Variants in NSG2 observed in about 807,000 individuals in gnomAD.
NSG2 encodes the protein neuronal vesicle trafficking associated 2.
A neutral mutation model predicts 16.9 loss-of-function variants in NSG2; 4 were observed. The ratio of observed to expected loss-of-function variants is 0.24; its 90% CI spans 0.12 to 0.54. The LOEUF is 0.54. Ranked by LOEUF, NSG2 falls within the 20% of genes least tolerant of loss-of-function variation. The pLI is 0.95. For synonymous variants in NSG2, 98 were observed against 88.7 expected, an observed-to-expected ratio of 1.11 and a Z score of -0.59; for missense variants, 179 against 221.1, an observed-to-expected ratio of 0.81 and a Z score of 1.21.
intron 2 of NSG2, 32 bp from the exon 3 acceptor site, chr5:174,064,200 A>G (rs938513673): frequency 6.8e-7 from 1 of 1,463,786 alleles, no homozygotes; most frequent in Non-Finnish European, 9.4e-7. Context: ...TCAAGTCTCC[A>G]TGCATGCTAA....
chr5:174,066,196 A>G (rs1190386579), intron 3 of NSG2: 1 of 456,062 alleles, frequency 2.2e-6, no homozygotes, highest in East Asian at 6.9e-5. Context: ...TTTTTATTGT[A>G]CTTTCAGTGT....
intron 3 of NSG2, among the ~76,000 whole-genome samples, chr5:174,097,392 A>G (rs549493656): frequency 1.3e-5 from 2 of 151,694 alleles, no homozygotes; most frequent in South Asian, 4.2e-4. Flanking sequence ...TCCGTGCACC[A>G]CTACACCTGC....
chr5:174,087,750 T>C (rs1037208158), intron 3 of NSG2, among the ~76,000 whole-genome samples: 1 of 151,214 alleles, frequency 6.6e-6, no homozygotes, highest in Non-Finnish European at 1.5e-5. Context: ...ATCGCACCAC[T>C]GCACTCCAGA....
Position 174,053,558 on chromosome 5 carries a change from C to CA in NSG2, c.129+6675dup, listed in dbSNP as rs549446376. On this transcript the variant is annotated intron_variant, in intron 2 of 4. Coordinates refer to ENST00000303177, the MANE Select transcript of NSG2 (RefSeq NM_015980.5). ...GGATATGAGAAACATAGGCTTTCCC[C>CA]AGGGAACAACAGAAATGCACATCAC... 2.6e-3 allele frequency among the ~76,000 whole-genome samples: 403 copies of CA among 152,192 alleles called. 2 individuals carry two copies. The highest frequency in any genetic ancestry group is 4.1e-3 in the Non-Finnish European group (281 of 68,012).
intron 3 of NSG2, among the ~76,000 whole-genome samples, chr5:174,101,112 G>A (rs1051237389): frequency 5.3e-5 from 8 of 152,178 alleles, no homozygotes; most frequent in African/African-American, 1.9e-4. Context: ...ATGAGCCTGC[G>A]ACTATAGGCA....
intron 3 of NSG2, among the ~76,000 whole-genome samples, chr5:174,094,052 C>G (rs1760759504): frequency 1.3e-5 from 2 of 152,154 alleles, no homozygotes; most frequent in Non-Finnish European, 2.9e-5. Flanking sequence ...CTATTACAAG[C>G]AAATGTAGCT....
chr5:174,087,906 CCACAGACAAAGCCAACTCCTTCT>C (rs1480822378), intron 3 of NSG2, among the ~76,000 whole-genome samples: 1 of 152,016 alleles, frequency 6.6e-6, no homozygotes, highest in East Asian at 1.9e-4. Flanking sequence ...AGAGCACAGC[CCACAGACAAAGCCAACTCCTTCT>C]CTAGGGATTG....
intron 3 of NSG2, among the ~76,000 whole-genome samples, chr5:174,095,332 C>T (rs1561674292): frequency 6.6e-6 from 1 of 152,210 alleles, no homozygotes; most frequent in African/African-American, 2.4e-5. Context: ...TGTTCTCTCA[C>T]AGTTCAGGGT....
At chr5:174,076,895 C>G (rs1174336926) in intron 3 of NSG2, among the ~76,000 whole-genome samples, 2 of 152,194 alleles carry the variant, frequency 1.3e-5, no homozygotes, top group Non-Finnish European at 2.9e-5. Flanking sequence ...AAACCTTGCT[C>G]TAGGATTTAC....
chr5:174,046,788 G>A lies in NSG2; in HGVS notation c.33G>A (p.Lys11=). Residue 11 remains lysine, a synonymous_variant, in exon 2 of 5, where the codon AAG becomes AAA. Coordinates refer to ENST00000303177, the MANE Select transcript of NSG2 (RefSeq NM_015980.5). MVKLNSNPSE[K]GTKPPSVEDG... ...AGCTGAACAGTAACCCCAGCGAGAAGGGAACCAAGCCGCCTTCAGTTGAGG... is the reference window on the plus strand; with the variant it reads ...AGCTGAACAGTAACCCCAGCGAGAAAGGAACCAAGCCGCCTTCAGTTGAGG... 6.2e-7 allele frequency: 1 copy of A among 1,614,158 alleles called. No individual in the cohort carries two copies. Among genetic ancestry groups the A allele is most frequent in the Non-Finnish European group, 8.5e-7 (1 of 1,180,040 alleles).
chr5:174,078,252 A>G (rs1455231423), intron 3 of NSG2, among the ~76,000 whole-genome samples: 1 of 151,924 alleles, frequency 6.6e-6, no homozygotes, highest in Non-Finnish European at 1.5e-5. Flanking sequence ...TAAAGGTCTT[A>G]TATGTACAGT....
At chr5:174,065,753 A>T (rs1001117064) in intron 3 of NSG2, among the ~76,000 whole-genome samples, 1 of 152,194 alleles carries the variant, frequency 6.6e-6, no homozygotes, top group Non-Finnish European at 1.5e-5. Flanking sequence ...GGTCCTGTGG[A>T]TGGATGATGC....
intron 2 of NSG2, among the ~76,000 whole-genome samples, chr5:174,057,827 G>A (rs113737716): frequency 1.1e-4 from 16 of 152,264 alleles, no homozygotes; most frequent in Non-Finnish European, 2.2e-4. Flanking sequence ...CCTCCCGGAT[G>A]TCTTCTGAAG....
intron 3 of NSG2, among the ~76,000 whole-genome samples, chr5:174,071,724 C>G (rs1373810623): frequency 6.6e-6 from 1 of 152,140 alleles, no homozygotes; most frequent in Non-Finnish European, 1.5e-5. Context: ...GATTGTTACC[C>G]CACTTGCATA....
At position 174,085,988 on chromosome 5, in the gene NSG2, CCTT is replaced by C. The variant is rs1760609850; in HGVS notation, c.214-18237_214-18235del. Among the ~76,000 whole-genome samples the C allele has an allele frequency of 2.0e-5, 3 of 152,354 alleles. No homozygotes were observed. In the South Asian group the frequency reaches 6.2e-4, roughly 32 times the overall value. On this transcript the variant is annotated intron_variant, in intron 3 of 4. Coordinates refer to ENST00000303177, the MANE Select transcript of NSG2 (RefSeq NM_015980.5). ...CAGGGATGCTCAATGAATATTAGGTCCTTCTCCTCTACATTCTCAAATCCCTCC... is the reference window on the plus strand; with the variant it reads ...CAGGGATGCTCAATGAATATTAGGTCCTCCTCTACATTCTCAAATCCCTCC...
At chr5:174,089,547 T>C (rs889032815) in intron 3 of NSG2, among the ~76,000 whole-genome samples, 7 of 150,830 alleles carry the variant, frequency 4.6e-5, no homozygotes, top group Non-Finnish European at 8.9e-5. Flanking sequence ...CCCAGGCTTC[T>C]CCGTGCAGGA....
intron 3 of NSG2, among the ~76,000 whole-genome samples, chr5:174,087,423 C>A (rs1338201384): frequency 2.0e-5 from 3 of 152,208 alleles, no homozygotes; most frequent in Non-Finnish European, 4.4e-5. Context: ...GTTTCATTTT[C>A]TTCATGTATA....
At chr5:174,065,682 T>C (rs1760127164) in intron 3 of NSG2, among the ~76,000 whole-genome samples, 1 of 152,090 alleles carries the variant, frequency 6.6e-6, no homozygotes, top group Admixed American at 6.5e-5. Context: ...GGTGGAGAGA[T>C]GCAGGCAGAT....
At chr5:174,061,696 C>T (rs1183939488) in intron 2 of NSG2, among the ~76,000 whole-genome samples, 2 of 152,240 alleles carry the variant, frequency 1.3e-5, no homozygotes, top group South Asian at 2.1e-4. Context: ...CTCTACCTCC[C>T]GGGTTCAAGT....
Sources: allele counts gnomAD v4.1 joint callset (sites outside exome capture counted in the v4.1 genomes callset), GRCh38; gene constraint gnomAD v4.1.1; transcripts MANE v1.5; gene names NCBI Gene and HGNC (gene_info 2026-07-23, HGNC 2026-07-21).